The following SASH1 variants were observed in gnomAD, a reference collection of about 807,000 sequenced individuals.
SASH1 encodes SAM and SH3 domain containing 1.
Under a neutral mutation model 125.2 loss-of-function variants are expected in SASH1, and 44 were observed. The observed-to-expected ratio is 0.35, with a 90% confidence interval of 0.28 to 0.45. The LOEUF is 0.45. Ranked by LOEUF, SASH1 falls within the 20% of genes least tolerant of loss-of-function variation. SASH1 has a pLI of 1.00. For synonymous variants in SASH1, 639 were observed against 649.1 expected (o/e 0.98, Z 0.24); for missense variants, 1,426 against 1,614.5 (o/e 0.88, Z 2.00).
chr6:148,405,894 A>G (rs547780811), intron 2 of SASH1, among the ~76,000 whole-genome samples: 6 of 152,344 alleles, frequency 3.9e-5, no homozygotes, highest in Non-Finnish European at 8.8e-5. Context: ...TTCTTTTGCT[A>G]ACTTTAAAGT....
intron 1 of SASH1, among the ~76,000 whole-genome samples, chr6:148,307,171 T>G (rs1780167477): frequency 1.3e-5 from 2 of 151,748 alleles, no homozygotes; most frequent in Admixed American, 1.3e-4. Context: ...CAGGCTGGAG[T>G]GCAGTGGCTC....
chr6:148,323,371 A>G (rs1202500420), intron 1 of SASH1, among the ~76,000 whole-genome samples: 1 of 152,186 alleles, frequency 6.6e-6, no homozygotes, highest in Admixed American at 6.5e-5. Context: ...AATGATTCTG[A>G]CATAGTTCTA....
At chr6:148,531,728 G>C (rs1781531692) in intron 13 of SASH1, 67 bp downstream of exon 13, 2 of 1,292,818 alleles carry the variant, frequency 1.5e-6, no homozygotes, top group South Asian at 2.7e-5. Flanking sequence ...CTGAGCACTA[G>C]GTTCAGGCAA....
Position 148,544,513 on chromosome 6 carries a change from G to T in SASH1, c.3043G>T (p.Asp1015Tyr). ...CCCCAGTGGGGCCCTCCCCAGTCCCGATGCGCCATGCCTGCCAGTGAAAAG... is the reference window on the plus strand; with the variant it reads ...CCCCAGTGGGGCCCTCCCCAGTCCCTATGCGCCATGCCTGCCAGTGAAAAG... The part of the protein sequence containing the change: ...MGPSGALPSP[D>Y]APCLPVKRGS... The change falls in exon 18 of 20, where the codon GAT becomes TAT. Residue 1015 changes from aspartate to tyrosine, a missense_variant. Coordinates refer to ENST00000367467, the MANE Select transcript of SASH1 (RefSeq NM_015278.5). This position sits in a 1 kb window ranked among gnomAD's most constrained non-coding sequence, Gnocchi z 6.4. 6.2e-7 allele frequency: 1 copy of T among 1,613,234 alleles called. No homozygotes were observed. Among genetic ancestry groups the T allele is most frequent in the Non-Finnish European group, 8.5e-7 (1 of 1,179,990 alleles).
chr6:148,246,175 A>G, the SASH1 span, among the ~76,000 whole-genome samples: 2 of 151,964 alleles, frequency 1.3e-5, no homozygotes, highest in Non-Finnish European at 2.9e-5. Context: ...TAGATTACCC[A>G]TATTCTTGAG....
At chr6:148,450,691 CTTT>C (rs10594605) in intron 4 of SASH1, among the ~76,000 whole-genome samples, 6,963 of 145,014 alleles carry the variant, frequency 0.048, 196 homozygotes, top group Non-Finnish European at 0.069. Context: ...TATATGTTAT[CTTT>C]TTTTTTTTTT....
At chr6:148,531,486 A>G (rs945360074) in intron 12 of SASH1, 40 bp from the exon 13 acceptor site, 1 of 1,435,812 alleles carries the variant, frequency 7.0e-7, no homozygotes, top group Non-Finnish European at 9.2e-7. Flanking sequence ...ACACCTGTCC[A>G]CTCTGATGAA....
chr6:148,315,532 G>A (rs1460850198), intron 1 of SASH1, among the ~76,000 whole-genome samples: 1 of 152,138 alleles, frequency 6.6e-6, no homozygotes, highest in African/African-American at 2.4e-5. Flanking sequence ...TAGTTGATCA[G>A]TTTTATATAA....
In SASH1 at chr6:148,549,725, T is replaced by G; in HGVS notation, c.*1167T>G. 2.5e-6 allele frequency: 1 copy of G among 397,024 alleles called. No individual in the cohort carries two copies. Among genetic ancestry groups the G allele is most frequent in the East Asian group, 3.6e-5 (1 of 27,988 alleles). 24.6% of individuals were successfully genotyped at this position (397,024 alleles called of 1,614,324 possible). On this transcript the variant is annotated 3_prime_UTR_variant, in exon 20 of 20. Coordinates refer to ENST00000367467, the MANE Select transcript of SASH1 (RefSeq NM_015278.5). The stretch of plus-strand genomic sequence containing the variant: ...TAATTCTTTTAATTTAAACAAAGGT[T>G]CACTATGGAACCAGACAAATCTCAT...
At position 148,540,482 on chromosome 6, in the gene SASH1, T is replaced by C. The variant is rs1466173177; in HGVS notation, c.2135T>C (p.Val712Ala). The C allele has an allele frequency of 6.2e-7, 1 of 1,614,044 alleles. No homozygotes were observed. The highest frequency in any genetic ancestry group is 2.2e-5 in the East Asian group (1 of 44,868). The change falls in exon 17 of 20, where the codon GTT becomes GCT. Residue 712 changes from valine (V) to alanine (A), a missense_variant. Around this residue, in one of 3 missense-constraint regions of SASH1, gnomAD observed 634 missense variants for 694.4 expected, o/e 0.91. Transcript: ENST00000367467. ...TCAGGATCCCAGGAGAAGCTGCTCG[T>C]TGACAGCCAGGGCCTGAGTGGATGC... Reference protein sequence around the residue: ...DQSGSQEKLLVDSQGLSGCSP... With the variant: ...DQSGSQEKLLADSQGLSGCSP...
intron 2 of SASH1, among the ~76,000 whole-genome samples, chr6:148,427,003 TG>T (rs1233309135): frequency 2.6e-5 from 4 of 152,036 alleles, no homozygotes; most frequent in Admixed American, 2.6e-4. Context: ...ATGCTCAGTG[TG>T]GGTGGTGCGT....
At chr6:148,415,917 A>G (rs1480277225) in intron 2 of SASH1, among the ~76,000 whole-genome samples, 2 of 152,258 alleles carry the variant, frequency 1.3e-5, no homozygotes, top group Non-Finnish European at 2.9e-5. Context: ...GCTCTCATTA[A>G]TTAAAAATAA....
chr6:148,285,771 A>G (rs1779465930), intron 1 of SASH1, among the ~76,000 whole-genome samples: 1 of 152,190 alleles, frequency 6.6e-6, no homozygotes, highest in African/African-American at 2.4e-5. Context: ...ACCAAATGAG[A>G]AAGGAAGCGC....
rs561389530 is a variant in SASH1, at chr6:148,525,165, C to T, written c.1210-126C>T. On this transcript the variant is annotated intron_variant, in intron 10 of 19. Transcript: ENST00000367467. ...TTTTTTTCTCATCATTTCTCGTTTT[C>T]TACTTTCATCCTGTCCACGTATTTG... is the stretch of plus-strand genomic sequence containing the variant. The T allele has an allele frequency of 1.8e-3, 1,231 of 696,976 alleles. 1 individual carries two copies. Among genetic ancestry groups the T allele is most frequent in the Non-Finnish European group, 2.5e-3 (978 of 387,762 alleles). The allele number at this position is 696,976 out of a possible 1,614,324, so 43.2% of individuals were successfully genotyped here. A position where few individuals can be genotyped will look rare whatever the true frequency, so the allele number is the denominator to read the frequency against.
chr6:148,434,600 A>C (rs1776218725), intron 2 of SASH1, among the ~76,000 whole-genome samples: 1 of 152,178 alleles, frequency 6.6e-6, no homozygotes, highest in African/African-American at 2.4e-5. Flanking sequence ...AAGAGTTTGT[A>C]ATGTTAATGA....
rs866358485 is a variant in SASH1, at chr6:148,531,470, A to C, written c.1429-56A>C. The stretch of plus-strand genomic sequence containing the variant: ...TGAAGGCCAAGTCGCTGAGAATTAC[A>C]AAACAACACCTGTCCACTCTGATGA... On this transcript the variant is annotated intron_variant, in intron 12 of 19. Transcript: ENST00000367467. 3.5e-5 allele frequency: 49 copies of C among 1,387,362 alleles called. 1 individual carries two copies. In the Middle Eastern group the frequency reaches 4.2e-3, roughly 120 times the overall value. 85.9% of individuals were successfully genotyped at this position (1,387,362 alleles called of 1,614,324 possible). A position where few individuals can be genotyped will look rare whatever the true frequency, so the allele number is the denominator to read the frequency against.
At chr6:148,445,257 T>C (rs1339045530) in intron 4 of SASH1, among the ~76,000 whole-genome samples, 1 of 152,184 alleles carries the variant, frequency 6.6e-6, no homozygotes, top group Non-Finnish European at 1.5e-5. Context: ...ATGCCTAGCC[T>C]TCTGGGAATG....
intron 11 of SASH1, 93 bp from the exon 12 acceptor site, chr6:148,527,360 T>G: frequency 2.6e-6 from 3 of 1,140,854 alleles, no homozygotes; most frequent in Non-Finnish European, 3.6e-6. Context: ...GGAATGTCAA[T>G]ATTTCTGAGA....
At chr6:148,440,732 A>C in intron 4 of SASH1, 1 of 295,132 alleles carries the variant, frequency 3.4e-6, no homozygotes, top group Non-Finnish European at 6.3e-6. Context: ...TTAATTTTTA[A>C]TGTAGGATAA....
Sources: allele counts gnomAD v4.1 joint callset (sites outside exome capture counted in the v4.1 genomes callset), GRCh38; gene constraint gnomAD v4.1.1; regional missense constraint gnomAD v4.1.1; non-coding constraint Gnocchi (gnomAD v3.1); transcripts MANE v1.5; gene names NCBI Gene and HGNC (gene_info 2026-07-23, HGNC 2026-07-21).